The following ADAM23 variants were observed in gnomAD, a reference collection of about 807,000 sequenced individuals.
The protein encoded by ADAM23 is ADAM metallopeptidase domain 23.
A neutral mutation model predicts 120.1 loss-of-function variants in ADAM23; 33 were observed. The observed-to-expected ratio is 0.27, with a 90% CI of 0.21 to 0.37. The LOEUF is 0.37. ADAM23 is among the 10% of genes least tolerant of loss of function. ADAM23 has a pLI of 1.00. For missense variants in ADAM23, 862 were observed against 1,058.2 expected (o/e 0.81, Z 2.57); for synonymous variants, 367 against 375.2 (o/e 0.98, Z 0.25).
Position 206,443,630 on chromosome 2 carries a change from G to A in ADAM23, c.-237G>A, listed in dbSNP as rs1407393607. On this transcript the variant is annotated 5_prime_UTR_variant, in exon 1 of 26. Transcript: ENST00000264377. The stretch of plus-strand genomic sequence containing the variant: ...GGAGGCTCCAAGTTGGCGGAGCGGC[G>A]AGGACCCCTGGACTCCTCTGCGTCC... 6.7e-6 allele frequency: 1 copy of A among 148,910 alleles called. No individual in the cohort carries two copies. Among genetic ancestry groups the A allele is most frequent in the Non-Finnish European group, 1.5e-5 (1 of 67,422 alleles). 9.2% of individuals were successfully genotyped at this position (148,910 alleles called of 1,614,324 possible).
intron 15 of ADAM23, among the ~76,000 whole-genome samples, chr2:206,568,211 C>G (rs183117366): frequency 6.6e-6 from 1 of 152,096 alleles, no homozygotes; most frequent in Admixed American, 6.5e-5. Context: ...TTTATGGATA[C>G]CATAAATACA....
chr2:206,488,884 C>A (rs1366399276), intron 3 of ADAM23, among the ~76,000 whole-genome samples: 1 of 152,164 alleles, frequency 6.6e-6, no homozygotes, highest in East Asian at 1.9e-4. Context: ...GCACCAAACT[C>A]CTGGGGTGAG....
intron 10 of ADAM23, among the ~76,000 whole-genome samples, chr2:206,557,803 A>T (rs2105819385): frequency 6.6e-6 from 1 of 152,340 alleles, no homozygotes; most frequent in African/African-American, 2.4e-5. Flanking sequence ...ATTTGCTATT[A>T]TACTGGCAAA....
intron 2 of ADAM23, among the ~76,000 whole-genome samples, chr2:206,463,499 T>C (rs189514413): frequency 6.6e-6 from 1 of 152,328 alleles, no homozygotes; most frequent in East Asian, 1.9e-4. Context: ...GATGATAATT[T>C]ATGTTGTTTT....
intron 2 of ADAM23, among the ~76,000 whole-genome samples, chr2:206,452,569 G>A (rs541954673): frequency 1.3e-5 from 2 of 152,294 alleles, no homozygotes; most frequent in South Asian, 4.2e-4. Context: ...CATTTTGGGA[G>A]GCTGAGGTGG....
At chr2:206,571,966 A>C in intron 17 of ADAM23, 150 bp downstream of exon 17, 1 of 619,086 alleles carries the variant, frequency 1.6e-6, no homozygotes, top group Non-Finnish European at 2.8e-6. Flanking sequence ...GATAAATCTC[A>C]AATTCTGTGG....
chr2:206,532,692 T>A (rs1285447513), intron 4 of ADAM23, among the ~76,000 whole-genome samples: 2 of 152,186 alleles, frequency 1.3e-5, no homozygotes, highest in African/African-American at 4.8e-5. Flanking sequence ...AGCAAAATTT[T>A]AAATATTTTA....
intron 13 of ADAM23, among the ~76,000 whole-genome samples, chr2:206,564,375 T>G (rs1697836116): frequency 6.6e-6 from 1 of 152,222 alleles, no homozygotes; most frequent in African/African-American, 2.4e-5. Flanking sequence ...ATTGCTCTCT[T>G]TCACTAAACC....
chr2:206,484,112 A>G (rs766382680), intron 3 of ADAM23, among the ~76,000 whole-genome samples: 7 of 152,186 alleles, frequency 4.6e-5, no homozygotes, highest in Non-Finnish European at 7.4e-5. Context: ...ATCAAAGCCC[A>G]AGGGCAGAAC....
intron 2 of ADAM23, among the ~76,000 whole-genome samples, chr2:206,449,002 A>G (rs1695138283): frequency 6.6e-6 from 1 of 152,188 alleles, no homozygotes; most frequent in Non-Finnish European, 1.5e-5. Flanking sequence ...TGGCATCTGA[A>G]GTGGGCATTT....
chr2:206,609,206 A>G (rs1188683117), intron 24 of ADAM23, among the ~76,000 whole-genome samples: 4 of 152,220 alleles, frequency 2.6e-5, no homozygotes, highest in Admixed American at 6.5e-5. Flanking sequence ...GTTAGTAACA[A>G]TGGGAACTTT....
In ADAM23 at chr2:206,587,314, A is replaced by C; in HGVS notation, c.1738-11A>C. On this transcript the variant is annotated splice_polypyrimidine_tract_variant and intron_variant, in intron 18 of 25. Transcript: ENST00000264377. ...ATGCTGAATATTAACTAAAAAGATA[A>C]TATTTTGCAGTGCCCACCAAATCTT... 1 of 1,599,750 alleles carries C rather than the reference A, an allele frequency of 6.3e-7. No individual in the cohort carries two copies. The highest frequency in any genetic ancestry group is 1.1e-5 in the South Asian group (1 of 89,016).
At chr2:206,503,285 T>C (rs1696429037) in intron 3 of ADAM23, among the ~76,000 whole-genome samples, 1 of 152,078 alleles carries the variant, frequency 6.6e-6, no homozygotes, top group African/African-American at 2.4e-5. Context: ...ATAGTTACTC[T>C]CTGTATGTTG....
At chr2:206,495,913 T>C (rs1371307667) in intron 3 of ADAM23, among the ~76,000 whole-genome samples, 7 of 152,230 alleles carry the variant, frequency 4.6e-5, no homozygotes, top group African/African-American at 1.2e-4. Context: ...AAGGCCATTA[T>C]GTAATGGTAA....
At chr2:206,599,942 C>CA (rs1698604831) in intron 24 of ADAM23, among the ~76,000 whole-genome samples, 1 of 152,192 alleles carries the variant, frequency 6.6e-6, no homozygotes, top group Non-Finnish European at 1.5e-5. Context: ...TGGCTCACGC[C>CA]TGTAATCCCA....
rs375639125 is a variant in ADAM23 at position 206,544,704 on chromosome 2, C to T, written c.720+1388C>T. Among the ~76,000 whole-genome samples the T allele has an allele frequency of 8.0e-5, 12 of 150,688 alleles. No individual in the cohort carries two copies. In the South Asian group the frequency reaches 2.5e-3, roughly 32 times the overall value. ...CTTGGCTCACTGCAAGCTCCGCCTGCTGGGTTCACGCCATTCTCCTGCCTC... is the reference window on the plus strand; with the variant it reads ...CTTGGCTCACTGCAAGCTCCGCCTGTTGGGTTCACGCCATTCTCCTGCCTC... On this transcript the variant is annotated intron_variant, in intron 6 of 25. Coordinates refer to ENST00000264377, the MANE Select transcript of ADAM23 (RefSeq NM_003812.4).
At chr2:206,490,183 C>T (rs1364301904) in intron 3 of ADAM23, among the ~76,000 whole-genome samples, 1 of 152,168 alleles carries the variant, frequency 6.6e-6, no homozygotes, top group African/African-American at 2.4e-5. Context: ...AGATGGACGG[C>T]GGCTGTCTGC....
chr2:206,463,984 G>A (rs1343614042), intron 2 of ADAM23, among the ~76,000 whole-genome samples: 1 of 152,168 alleles, frequency 6.6e-6, no homozygotes, highest in Non-Finnish European at 1.5e-5. Flanking sequence ...GAGAAAGAAA[G>A]CAATATTAAG....
intron 1 of ADAM23, among the ~76,000 whole-genome samples, chr2:206,444,729 A>G (rs539331730): frequency 2.6e-5 from 4 of 152,384 alleles, no homozygotes; most frequent in South Asian, 2.1e-4. Context: ...GGAAGCTGCC[A>G]GCATCTGTAT....
Sources: allele counts gnomAD v4.1 joint callset (sites outside exome capture counted in the v4.1 genomes callset), GRCh38; gene constraint gnomAD v4.1.1; transcripts MANE v1.5; gene names NCBI Gene and HGNC (gene_info 2026-07-23, HGNC 2026-07-21).